The following C2orf76 variants were observed in gnomAD, a reference collection of about 807,000 sequenced individuals.
C2orf76 encodes UPF0538 protein C2orf76.
C2orf76 carries 23 observed loss-of-function variants against 16.9 expected under a neutral mutation model. That is an observed-to-expected ratio of 1.36 (90% CI 0.98 to 1.93). The LOEUF is 1.93. C2orf76 is among the 30% of genes most tolerant of loss of function. The probability of loss-of-function intolerance (pLI) is 0.00; values close to 1 mark genes in which losing one functional copy is unlikely to be tolerated. For synonymous variants in C2orf76, 48 were observed against 52.3 expected, an observed-to-expected ratio of 0.92 and a Z score of 0.35; for missense variants, 152 against 152.6, an observed-to-expected ratio of 1.00 and a Z score of 0.02.
chr2:119,332,876 T>C (rs1052979481), intron 2 of C2orf76, among the ~76,000 whole-genome samples: 4 of 152,152 alleles, frequency 2.6e-5, no homozygotes, highest in African/African-American at 9.7e-5. Flanking sequence ...GCTACAGGCA[T>C]GCACTACAAA....
intron 1 of C2orf76, among the ~76,000 whole-genome samples, chr2:119,350,360 G>A (rs1680359753): frequency 6.6e-6 from 1 of 152,104 alleles, no homozygotes; most frequent in African/African-American, 2.4e-5. Flanking sequence ...AGACCCAGGT[G>A]GTGCTTTGAA....
At chr2:119,326,943 G>T (rs1304546824) in intron 2 of C2orf76, among the ~76,000 whole-genome samples, 1 of 151,920 alleles carries the variant, frequency 6.6e-6, no homozygotes, top group Non-Finnish European at 1.5e-5. Context: ...TGTAAGTTCT[G>T]GTAGCATTTG....
At chr2:119,312,073 TG>T (rs1487187134) in intron 4 of C2orf76, among the ~76,000 whole-genome samples, 6 of 152,148 alleles carry the variant, frequency 3.9e-5, no homozygotes, top group Non-Finnish European at 7.4e-5. Context: ...GGTGACAGGA[TG>T]GGGCATATAA....
intron 1 of C2orf76, among the ~76,000 whole-genome samples, chr2:119,352,797 T>G (rs891495302): frequency 1.3e-5 from 2 of 152,148 alleles, no homozygotes; most frequent in African/African-American, 4.8e-5. Flanking sequence ...ATAGACAGGT[T>G]ATATATATAG....
chr2:119,364,039 G>GAGACAGACAGACAGAC (rs57921997), intron 1 of C2orf76, among the ~76,000 whole-genome samples: 2 of 147,574 alleles, frequency 1.4e-5, no homozygotes, highest in Non-Finnish European at 3.0e-5. Context: ...GAGAGAGAGA[G>GAGACAGACAGACAGAC]AGACAGACAG....
intron 1 of C2orf76, among the ~76,000 whole-genome samples, chr2:119,350,514 G>A (rs78555083): frequency 0.015 from 2,267 of 152,234 alleles, 20 homozygotes; most frequent in Non-Finnish European, 0.025. Flanking sequence ...TACAAACAAA[G>A]CAAACACAAA....
At chr2:119,308,627 C>G (rs992948042) in intron 5 of C2orf76, among the ~76,000 whole-genome samples, 1 of 152,106 alleles carries the variant, frequency 6.6e-6, no homozygotes. Flanking sequence ...GGCGACAGAG[C>G]AAGACTCTGG....
chr2:119,345,811 C>T (rs1302101034), intron 1 of C2orf76, among the ~76,000 whole-genome samples: 1 of 152,048 alleles, frequency 6.6e-6, no homozygotes, highest in Admixed American at 6.6e-5. Context: ...CCTGTAATCC[C>T]AGCACTTTGG....
chr2:119,295,064 G>T, the C2orf76 span, among the ~76,000 whole-genome samples: 101 of 152,282 alleles, frequency 6.6e-4, no homozygotes, highest in African/African-American at 2.3e-3. Context: ...TATTGAGACG[G>T]TGTTGTGGAC....
chr2:119,296,946 T>C, the C2orf76 span, among the ~76,000 whole-genome samples: 1 of 152,228 alleles, frequency 6.6e-6, no homozygotes, highest in African/African-American at 2.4e-5. Context: ...AAGTAGGATT[T>C]GAAGCCAGAA....
chr2:119,291,222 T>G, the C2orf76 span, among the ~76,000 whole-genome samples: 1 of 151,980 alleles, frequency 6.6e-6, no homozygotes, highest in Non-Finnish European at 1.5e-5. Context: ...GGCTGGGCAT[T>G]AATCGGCTGG....
At chr2:119,326,824 T>C (rs1013637566) in intron 2 of C2orf76, among the ~76,000 whole-genome samples, 2 of 152,148 alleles carry the variant, frequency 1.3e-5, no homozygotes, top group African/African-American at 2.4e-5. Flanking sequence ...TGATGTTTTA[T>C]CATTTTTTTT....
chr2:119,322,963 T>C (rs1679394151), intron 2 of C2orf76, among the ~76,000 whole-genome samples: 1 of 152,118 alleles, frequency 6.6e-6, no homozygotes, highest in Admixed American at 6.5e-5. Flanking sequence ...CACATGAATG[T>C]GTTACCTACT....
At chr2:119,323,798 T>G (rs552374230) in intron 2 of C2orf76, among the ~76,000 whole-genome samples, 14 of 152,300 alleles carry the variant, frequency 9.2e-5, no homozygotes, top group African/African-American at 2.9e-4. Context: ...CAGTGCTGAC[T>G]GATCACAGTG....
intron 2 of C2orf76, 45 bp from the exon 3 acceptor site, chr2:119,321,249 C>A: frequency 1.9e-6 from 2 of 1,030,972 alleles, no homozygotes; most frequent in African/African-American, 1.7e-5. Context: ...CAAATAGACA[C>A]TCATAGAATA....
the C2orf76 span, among the ~76,000 whole-genome samples, chr2:119,290,962 A>T: frequency 6.6e-6 from 1 of 152,100 alleles, no homozygotes; most frequent in African/African-American, 2.4e-5. Context: ...GCCAAGGCTG[A>T]CTTACAGGGG....
At chr2:119,334,984 A>C (rs900881563) in intron 2 of C2orf76, among the ~76,000 whole-genome samples, 1 of 152,172 alleles carries the variant, frequency 6.6e-6, no homozygotes, top group Non-Finnish European at 1.5e-5. Context: ...CAATTAAATA[A>C]ATGGATAGCA....
chr2:119,287,821 C>T, the C2orf76 span, among the ~76,000 whole-genome samples: 2 of 152,182 alleles, frequency 1.3e-5, no homozygotes, highest in East Asian at 3.8e-4. Flanking sequence ...ATTGTTCTTA[C>T]TTAAATTCCA....
chr2:119,362,894 C>G (rs556885523), intron 1 of C2orf76, among the ~76,000 whole-genome samples: 3 of 152,274 alleles, frequency 2.0e-5, no homozygotes, highest in African/African-American at 7.2e-5. Flanking sequence ...CTCCTGCCCG[C>G]CTTGCCACAA....
Sources: allele counts gnomAD v4.1 joint callset (sites outside exome capture counted in the v4.1 genomes callset), GRCh38; gene constraint gnomAD v4.1.1; transcripts MANE v1.5; gene names NCBI Gene and HGNC (gene_info 2026-07-23, HGNC 2026-07-21).